The following SYT7 variants were observed in gnomAD, a reference collection of about 807,000 sequenced individuals.
SYT7 encodes the protein synaptotagmin-7.
A neutral mutation model predicts 75.1 loss-of-function variants in SYT7; 29 were observed. That is an observed-to-expected ratio of 0.39 (90% confidence interval 0.29 to 0.53). The LOEUF is 0.53. SYT7 is among the 20% of genes least tolerant of loss of function. SYT7 has a pLI of 0.77. For missense variants in SYT7, 693 were observed against 953.2 expected (o/e 0.73, Z 3.59); for synonymous variants, 376 against 401.7 (o/e 0.94, Z 0.76).
chr11:61,546,336 G>A lies in SYT7; in HGVS notation c.348-81C>T. On this transcript the variant is annotated intron_variant, in intron 4 of 12. Coordinates refer to ENST00000539008, the MANE Select transcript of SYT7 (RefSeq NM_001365809.2). This position sits in a 1 kb window ranked among gnomAD's most constrained non-coding sequence, Gnocchi z 7.6. ...GAGAGAGGGCAGGCCATACGTGGGG[G>A]TCGGGGGGTGGAAGAGGAAGAAAAA... The A allele has an allele frequency of 1.1e-6, 1 of 937,574 alleles. No individual in the cohort carries two copies. Among genetic ancestry groups the A allele is most frequent in the South Asian group, 1.8e-5 (1 of 55,014 alleles). The allele number at this position is 937,574 out of a possible 1,614,324, so 58.1% of individuals were successfully genotyped here. A position where few individuals can be genotyped will look rare whatever the true frequency, so the allele number is the denominator to read the frequency against.
the SYT7 span, among the ~76,000 whole-genome samples, chr11:61,587,291 A>G: frequency 6.6e-6 from 1 of 152,154 alleles, no homozygotes; most frequent in Non-Finnish European, 1.5e-5. Context: ...CCTCTCAGGG[A>G]GCCCAGGCCG....
chr11:61,578,022 G>C (rs2064132574), intron 1 of SYT7, among the ~76,000 whole-genome samples: 1 of 152,240 alleles, frequency 6.6e-6, no homozygotes, highest in African/African-American at 2.4e-5. Context: ...AGGGCAGGAA[G>C]AGGCCGTGAA....
At position 61,580,416 on chromosome 11, in the gene SYT7, G is replaced by C. The variant is rs2064222973; in HGVS notation, c.31+374C>G. Among the ~76,000 whole-genome samples the C allele has an allele frequency of 6.6e-6, 1 of 152,092 alleles. No individual in the cohort carries two copies. The highest frequency in any genetic ancestry group is 1.5e-5 in the Non-Finnish European group (1 of 67,996). On this transcript the variant is annotated intron_variant, in intron 1 of 12. Transcript: ENST00000539008. The surrounding 1 kb of genome is among the most constrained non-coding windows in gnomAD (Gnocchi z 6.1). The stretch of plus-strand genomic sequence containing the variant: ...CTCGCCCTGGGGTCCGCCAGCGCTG[G>C]CACCCCCGGGGCACCGGTGCTGGGG...
upstream of SYT7, among the ~76,000 whole-genome samples, chr11:61,582,671 G>T (rs1815064882): frequency 6.6e-6 from 1 of 152,182 alleles, no homozygotes; most frequent in African/African-American, 2.4e-5. Context: ...AGGAAAAAAG[G>T]CATCGTAGGT....
chr11:61,523,359 G>T lies in SYT7; in HGVS notation c.1757-85C>A. ...TTTTCCCCTTCCAGGAATGGAAGCT[G>T]AGGCAGGAGGGCCGTGTGCTTTCCC... On this transcript the variant is annotated intron_variant, in intron 11 of 12. Transcript: ENST00000539008. This position sits in a 1 kb window ranked among gnomAD's most constrained non-coding sequence, Gnocchi z 5.0. 1 of 1,343,572 alleles carries T rather than the reference G, an allele frequency of 7.4e-7. No individual in the cohort carries two copies. The allele number at this position is 1,343,572 out of a possible 1,614,324, so 83.2% of individuals were successfully genotyped here.
At chr11:61,566,105 T>C (rs983644919) in intron 1 of SYT7, among the ~76,000 whole-genome samples, 1 of 152,250 alleles carries the variant, frequency 6.6e-6, no homozygotes, top group Non-Finnish European at 1.5e-5. Context: ...ACCTTGTCCA[T>C]GCCTTCCCTA....
At chr11:61,548,816 C>T (rs1394105073) in intron 3 of SYT7, among the ~76,000 whole-genome samples, 3 of 152,212 alleles carry the variant, frequency 2.0e-5, no homozygotes, top group East Asian at 1.9e-4. Context: ...CCACCATAGG[C>T]CCAGATGAGA....
At position 61,518,742 on chromosome 11, in the gene SYT7, AGG is replaced by A. The variant is rs1430241677; in HGVS notation, c.1957-13_1957-12del. ...CCAGGACAGGTAGATCTGGGGAGAA[AGG>A]GGAGACGATGGCATCGGCACAGGCT... On this transcript the variant is annotated splice_polypyrimidine_tract_variant and intron_variant, in intron 12 of 12. Coordinates refer to ENST00000539008, the MANE Select transcript of SYT7 (RefSeq NM_001365809.2). 8.5e-6 allele frequency: 13 copies of A among 1,527,456 alleles called. No homozygotes were observed. Among genetic ancestry groups the A allele is most frequent in the Non-Finnish European group, 1.1e-5 (13 of 1,130,582 alleles). 94.6% of individuals were successfully genotyped at this position (1,527,456 alleles called of 1,614,324 possible). A position where few individuals can be genotyped will look rare whatever the true frequency, so the allele number is the denominator to read the frequency against.
intron 6 of SYT7, among the ~76,000 whole-genome samples, chr11:61,541,985 C>T (rs2063055552): frequency 6.6e-6 from 1 of 152,178 alleles, no homozygotes; most frequent in Non-Finnish European, 1.5e-5. Context: ...CCCTAGAGCA[C>T]TGAGGGGCAG....
intron 2 of SYT7, among the ~76,000 whole-genome samples, chr11:61,554,934 G>A (rs982873120): frequency 2.6e-5 from 4 of 152,208 alleles, no homozygotes; most frequent in Non-Finnish European, 5.9e-5. Context: ...GGATGGAGCC[G>A]CATGCTCCCA....
upstream of SYT7, among the ~76,000 whole-genome samples, chr11:61,586,065 G>T: frequency 6.6e-6 from 1 of 152,072 alleles, no homozygotes; most frequent in Non-Finnish European, 1.5e-5. Flanking sequence ...GGCCCCCAAG[G>T]GTCTCTCAGG....
chr11:61,585,924 C>T (rs907294205), upstream of SYT7, among the ~76,000 whole-genome samples: 3 of 152,176 alleles, frequency 2.0e-5, no homozygotes, highest in Admixed American at 2.0e-4. Context: ...TAAAATAAGG[C>T]TAAGAATTGC....
At chr11:61,521,467 G>A (rs540396293) in intron 12 of SYT7, among the ~76,000 whole-genome samples, 2 of 152,282 alleles carry the variant, frequency 1.3e-5, no homozygotes, top group South Asian at 4.1e-4. Context: ...GGCCAGGGAG[G>A]GCCACATACT....
chr11:61,532,910 C>T (rs2062752708), intron 8 of SYT7, 79 bp downstream of exon 8: 1 of 1,580,584 alleles, frequency 6.3e-7, no homozygotes, highest in Non-Finnish European at 8.6e-7. Context: ...GTTAATCATT[C>T]CCACACACAT....
Position 61,514,936 on chromosome 11 carries a change from C to T in SYT7, c.*3691G>A, listed in dbSNP as rs2062114499. Among the ~76,000 whole-genome samples, 3 of 152,304 alleles carry T rather than the reference C, an allele frequency of 2.0e-5. No individual in the cohort carries two copies. Among genetic ancestry groups the T allele is most frequent in the South Asian group, 4.2e-4 (2 of 4,818 alleles). On this transcript the variant is annotated 3_prime_UTR_variant, in exon 13 of 13. Coordinates refer to ENST00000539008, the MANE Select transcript of SYT7 (RefSeq NM_001365809.2). ...GTGGTGGGAAAGCTGGAGCGTCCCCCTTTGGTTTGTCTGAGCTGCCTTGGA... is the reference window on the plus strand; with the variant it reads ...GTGGTGGGAAAGCTGGAGCGTCCCCTTTTGGTTTGTCTGAGCTGCCTTGGA...
chr11:61,518,827 T>G, intron 12 of SYT7, 96 bp from the exon 13 acceptor site: 1 of 839,792 alleles, frequency 1.2e-6, no homozygotes, highest in Admixed American at 3.3e-5. Context: ...CATGATACCC[T>G]AGCCTGTGGC....
chr11:61,533,650 C>G (rs999167236), intron 7 of SYT7: 2 of 985,420 alleles, frequency 2.0e-6, no homozygotes, highest in Non-Finnish European at 2.4e-6. Context: ...ACCCTCCAGA[C>G]GTGAGACTGA....
chr11:61,586,695 C>T, the SYT7 span, among the ~76,000 whole-genome samples: 288 of 152,286 alleles, frequency 1.9e-3, 3 homozygotes, highest in East Asian at 0.043. Context: ...GCCCCTGGCC[C>T]AGAAGCCTGC....
At chr11:61,528,266 G>C in intron 8 of SYT7, 81 bp from the exon 9 acceptor site, 2 of 1,523,240 alleles carry the variant, frequency 1.3e-6, no homozygotes, top group Non-Finnish European at 1.8e-6. Context: ...GCACGGGTGA[G>C]AGGCCAGAGG....
Sources: allele counts gnomAD v4.1 joint callset (sites outside exome capture counted in the v4.1 genomes callset), GRCh38; gene constraint gnomAD v4.1.1; non-coding constraint Gnocchi (gnomAD v3.1); transcripts MANE v1.5; gene names NCBI Gene and HGNC (gene_info 2026-07-23, HGNC 2026-07-21).